DPYD: variants seen among roughly 807,000 people sequenced by gnomAD.
The protein encoded by DPYD is dihydropyrimidine dehydrogenase [NADP(+)].
In DPYD, 109 loss-of-function variants were observed where a neutral mutation model predicts 116.2. The ratio of observed to expected loss-of-function variants is 0.94; its 90% CI spans 0.80 to 1.10. DPYD has a LOEUF of 1.10. Among genes scored for constraint, DPYD ranks in the 50% least tolerant of loss-of-function variants. DPYD has a pLI of 0.00. For missense variants in DPYD, 1,302 were observed against 1,254.5 expected (o/e 1.04, Z -0.57); for synonymous variants, 440 against 432.0 (o/e 1.02, Z -0.23).
In DPYD at chr1:97,661,576, TA is replaced by T. The variant is rs567127555; in HGVS notation, c.850+17518del. On this transcript the variant is annotated intron_variant, in intron 8 of 22. Transcript: ENST00000370192. ...AGACATATACTACGCTTTGATAAAA[TA>T]AAAAAAATATATAGAAATCCAGGAA... Among the ~76,000 whole-genome samples, 737 of 151,546 alleles carry T rather than the reference TA, an allele frequency of 4.9e-3. 6 individuals carry two copies. The highest frequency in any genetic ancestry group is 0.017 in the African/African-American group (709 of 41,318).
intron 14 of DPYD, among the ~76,000 whole-genome samples, chr1:97,396,204 T>C (rs1672996864): frequency 6.6e-6 from 1 of 151,418 alleles, no homozygotes; most frequent in Non-Finnish European, 1.5e-5. Context: ...CATCATAGCA[T>C]AGAAGTTATT....
At chr1:97,828,712 T>C (rs1484754652) in intron 2 of DPYD, among the ~76,000 whole-genome samples, 1 of 151,950 alleles carries the variant, frequency 6.6e-6, no homozygotes, top group Non-Finnish European at 1.5e-5. Context: ...AATTTTATAA[T>C]CAGATCTTTA....
intron 18 of DPYD, among the ~76,000 whole-genome samples, chr1:97,278,483 T>C (rs1003335903): frequency 1.3e-5 from 2 of 152,198 alleles, no homozygotes; most frequent in African/African-American, 2.4e-5. Context: ...TAAGCTGTGA[T>C]AGTTCAATGT....
intron 14 of DPYD, among the ~76,000 whole-genome samples, chr1:97,439,347 T>TA (rs1675630978): frequency 6.6e-6 from 1 of 152,190 alleles, no homozygotes. Flanking sequence ...GCACTATTCT[T>TA]TTCTAAGTAG....
intron 3 of DPYD, among the ~76,000 whole-genome samples, chr1:97,796,195 T>G (rs769303286): frequency 8.5e-5 from 13 of 152,120 alleles, no homozygotes; most frequent in Non-Finnish European, 1.6e-4. Context: ...ATATCTCTTT[T>G]AATCCACATA....
At chr1:97,829,422 T>C (rs1184095449) in intron 2 of DPYD, among the ~76,000 whole-genome samples, 1 of 152,082 alleles carries the variant, frequency 6.6e-6, no homozygotes, top group Non-Finnish European at 1.5e-5. Context: ...AAAATGAATC[T>C]ACAATAATTA....
rs576548990 is a variant in DPYD at position 97,565,178 on chromosome 1, C to G, written c.1339+8582G>C. ...ATCATACCCTGTGACTGAATAACCACCTAATTCAGGTCACCAAATGTTAGA... is the reference window on the plus strand; with the variant it reads ...ATCATACCCTGTGACTGAATAACCAGCTAATTCAGGTCACCAAATGTTAGA... On this transcript the variant is annotated intron_variant, in intron 11 of 22. Coordinates refer to ENST00000370192, the MANE Select transcript of DPYD (RefSeq NM_000110.4). 5.0e-4 allele frequency among the ~76,000 whole-genome samples: 76 copies of G among 152,126 alleles called. No individual in the cohort carries two copies. In the South Asian group the frequency reaches 0.011, roughly 22 times the overall value.
At chr1:97,393,297 T>TTAATTATTTTAAATTATTTTAATTA (rs1672817380) in intron 14 of DPYD, among the ~76,000 whole-genome samples, 1 of 151,952 alleles carries the variant, frequency 6.6e-6, no homozygotes, top group East Asian at 1.9e-4. Flanking sequence ...TTTTCTTTTT[T>TTAATTATTTTAAATTATTTTAATTA]TTTTAAATTA....
chr1:97,778,463 C>T (rs1666547781), intron 3 of DPYD, among the ~76,000 whole-genome samples: 1 of 152,012 alleles, frequency 6.6e-6, no homozygotes, highest in African/African-American at 2.4e-5. Flanking sequence ...AGAAATTAAA[C>T]TTACTCTATT....
intron 11 of DPYD, among the ~76,000 whole-genome samples, chr1:97,554,820 G>T (rs888375784): frequency 6.6e-6 from 1 of 151,914 alleles, no homozygotes; most frequent in African/African-American, 2.4e-5. Context: ...TTTTCCTTCT[G>T]CCAGTCTCTC....
chr1:97,274,398 G>A (rs1450348005), intron 18 of DPYD, among the ~76,000 whole-genome samples: 3 of 152,070 alleles, frequency 2.0e-5, no homozygotes, highest in African/African-American at 7.2e-5. Context: ...GCCCTCTCTT[G>A]CCATGTGACA....
intron 8 of DPYD, among the ~76,000 whole-genome samples, chr1:97,613,586 AAT>A (rs2100753371): frequency 6.6e-6 from 1 of 152,188 alleles, no homozygotes; most frequent in East Asian, 1.9e-4. Context: ...ATGATCTGCC[AAT>A]ATGTGTTTAA....
chr1:97,429,270 T>C (rs771426194), intron 14 of DPYD, among the ~76,000 whole-genome samples: 13 of 152,188 alleles, frequency 8.5e-5, no homozygotes, highest in African/African-American at 3.1e-4. Context: ...AGTAGAAATA[T>C]TGGTATGCTT....
At chr1:97,560,696 ATAAG>A (rs1652083805) in intron 11 of DPYD, among the ~76,000 whole-genome samples, 1 of 152,162 alleles carries the variant, frequency 6.6e-6, no homozygotes, top group African/African-American at 2.4e-5. Flanking sequence ...TGAAAAGTAA[ATAAG>A]TAAGTGAACT....
chr1:97,278,915 G>A (rs71656178), intron 18 of DPYD, among the ~76,000 whole-genome samples: 9 of 143,688 alleles, frequency 6.3e-5, no homozygotes, highest in Non-Finnish European at 1.3e-4. Context: ...ATGGTATTTC[G>A]TAAAAATTTT....
chr1:97,109,220 T>C (rs932215499), intron 20 of DPYD, among the ~76,000 whole-genome samples: 2 of 152,146 alleles, frequency 1.3e-5, no homozygotes, highest in African/African-American at 4.8e-5. Flanking sequence ...TATTATTACA[T>C]TGTGCATAAA....
At chr1:97,342,729 T>C (rs1669644743) in intron 16 of DPYD, among the ~76,000 whole-genome samples, 1 of 152,156 alleles carries the variant, frequency 6.6e-6, no homozygotes, top group Non-Finnish European at 1.5e-5. Context: ...GATACATTTG[T>C]GTTGGGAGTT....
intron 20 of DPYD, among the ~76,000 whole-genome samples, chr1:97,176,134 A>T (rs559295995): frequency 2.4e-4 from 37 of 152,316 alleles, no homozygotes; most frequent in African/African-American, 8.7e-4. Flanking sequence ...CAACACTAGA[A>T]GAATTTAATT....
chr1:97,323,414 ACG>A lies in DPYD; in HGVS notation c.2059-17119_2059-17118del, dbSNP rs1435421688. Among the ~76,000 whole-genome samples, 102 of 93,044 alleles carry A rather than the reference ACG, an allele frequency of 1.1e-3. 7 individuals are homozygous for A. The highest frequency in any genetic ancestry group is 1.7e-3 in the Non-Finnish European group (65 of 38,826). The allele number at this position is 93,044 out of a possible 152,430, so 61.0% of individuals were successfully genotyped here. On this transcript the variant is annotated intron_variant, in intron 16 of 22. Coordinates refer to ENST00000370192, the MANE Select transcript of DPYD (RefSeq NM_000110.4). ...TATGTATACATATGTGTATATGTAC[ACG>A]TATATATACATATGTGTATATGTAC...
Sources: gnomAD v4.1 joint callset for allele counts (sites outside exome capture counted in the v4.1 genomes callset) on GRCh38, gnomAD v4.1.1 for gene constraint, MANE v1.5 for transcripts, NCBI Gene and HGNC (gene_info 2026-07-23, HGNC 2026-07-21) for gene names.